Variants in ADAMTS16 observed in about 807,000 individuals in gnomAD.
The protein encoded by ADAMTS16 is ADAM metallopeptidase with thrombospondin type 1 motif 16.
Under a neutral mutation model 145.8 loss-of-function variants are expected in ADAMTS16, and 94 were observed. That is an observed-to-expected ratio of 0.64 (90% confidence interval 0.55 to 0.77). The LOEUF (loss-of-function observed/expected upper bound fraction) is 0.77. Ranked by LOEUF, ADAMTS16 falls within the 30% of genes least tolerant of loss-of-function variation. The pLI, the probability that ADAMTS16 is intolerant of heterozygous loss-of-function variation, is 0.00. For synonymous variants in ADAMTS16, 659 were observed against 604.3 expected, an observed-to-expected ratio of 1.09 and a Z score of -1.33; for missense variants, 1,585 against 1,591.5, an observed-to-expected ratio of 1.00 and a Z score of 0.07.
intron 9 of ADAMTS16, among the ~76,000 whole-genome samples, chr5:5,200,899 T>A (rs1283465135): frequency 6.6e-6 from 1 of 152,236 alleles, no homozygotes; most frequent in Non-Finnish European, 1.5e-5. Flanking sequence ...GTTTGATCCT[T>A]GAAAAATAGT....
intron 17 of ADAMTS16, among the ~76,000 whole-genome samples, chr5:5,253,712 G>A (rs1737696442): frequency 6.6e-6 from 1 of 151,992 alleles, no homozygotes; most frequent in South Asian, 2.1e-4. Context: ...CCACATCTTC[G>A]AAGATTCTCC....
chr5:5,243,237 G>C (rs1737349625), intron 17 of ADAMTS16, among the ~76,000 whole-genome samples: 1 of 152,206 alleles, frequency 6.6e-6, no homozygotes, highest in Non-Finnish European at 1.5e-5. Flanking sequence ...GGATGAAATA[G>C]TTAAATTATG....
chr5:5,158,437 G>A (rs1485459864), intron 3 of ADAMTS16, among the ~76,000 whole-genome samples: 1 of 152,108 alleles, frequency 6.6e-6, no homozygotes, highest in East Asian at 1.9e-4. Flanking sequence ...CAGAGGGAGT[G>A]CATTGACTGC....
At chr5:5,300,464 C>G (rs1334166311) in intron 18 of ADAMTS16, among the ~76,000 whole-genome samples, 1 of 152,196 alleles carries the variant, frequency 6.6e-6, no homozygotes, top group Non-Finnish European at 1.5e-5. Context: ...GCAACTCCTA[C>G]AACCCTGACA....
At chr5:5,318,442 G>A (rs958909891) in intron 22 of ADAMTS16, among the ~76,000 whole-genome samples, 161 bp downstream of exon 22, 2 of 152,202 alleles carry the variant, frequency 1.3e-5, no homozygotes, top group African/African-American at 4.8e-5. Flanking sequence ...CCATAGAGCA[G>A]ACCGGGCTGC....
chr5:5,303,309 G>T lies in ADAMTS16; in HGVS notation c.2831G>T (p.Gly944Val). 1.3e-6 allele frequency: 2 copies of T among 1,596,368 alleles called. No individual in the cohort carries two copies. The change falls in exon 19 of 23, where the codon GGC (glycine) becomes GTC (valine). Residue 944 changes from glycine to valine, a missense_variant. By Grantham distance (109) the Gly-to-Val change is moderately radical. Coordinates refer to ENST00000274181, the MANE Select transcript of ADAMTS16 (RefSeq NM_139056.4). ...TGGAGTGCCTGCAGTCGGACGTGTG[G>T]CGGGGGTGCCCAGAGCCGCCCCGTG... ...GNWSACSRTCGGGAQSRPVQC... is the reference protein window; with the variant it reads ...GNWSACSRTCVGGAQSRPVQC...
intron 18 of ADAMTS16, among the ~76,000 whole-genome samples, chr5:5,296,386 C>T (rs1349678912): frequency 3.3e-5 from 5 of 152,226 alleles, no homozygotes; most frequent in South Asian, 2.1e-4. Context: ...CCGGACTCCC[C>T]GCCCTCCCCA....
chr5:5,275,100 C>T (rs1021483301), intron 18 of ADAMTS16, among the ~76,000 whole-genome samples: 8 of 152,180 alleles, frequency 5.3e-5, no homozygotes, highest in African/African-American at 1.9e-4. Context: ...GAAATATTTG[C>T]TGAAAAGTGC....
Position 5,310,870 on chromosome 5 carries a change from TGTCTGTTCCTGACCCCAGAGAGG to T in ADAMTS16, c.3411+4146_3411+4168del. ...TGTTATTTGTGTCCTTGTCTCATTT[TGTCTGTTCCTGACCCCAGAGAGG>T]GTCAGCTGCCTGAAGGCAAGTGCCT... On this transcript the variant is annotated intron_variant, in intron 21 of 22. Transcript: ENST00000274181. The surrounding 1 kb of genome is among the most constrained non-coding windows in gnomAD (Gnocchi z 4.3). 6.6e-6 allele frequency among the ~76,000 whole-genome samples: 1 copy of T among 152,358 alleles called. No homozygotes were observed. Among genetic ancestry groups the T allele is most frequent in the Middle Eastern group, 3.4e-3 (1 of 294 alleles).
At chr5:5,229,327 A>T (rs1705084893) in intron 11 of ADAMTS16, among the ~76,000 whole-genome samples, 1 of 148,682 alleles carries the variant, frequency 6.7e-6, no homozygotes, top group African/African-American at 2.5e-5. Flanking sequence ...AAAAAAAAGA[A>T]GTTCTAAGTT....
intron 12 of ADAMTS16, 81 bp from the exon 13 acceptor site, chr5:5,234,933 C>A: frequency 1.6e-6 from 2 of 1,225,848 alleles, no homozygotes; most frequent in African/African-American, 1.6e-5. Flanking sequence ...CTCTTAGCTT[C>A]ATCTCTCCAA....
At chr5:5,150,921 A>T (rs1455770952) in intron 3 of ADAMTS16, among the ~76,000 whole-genome samples, 1 of 152,200 alleles carries the variant, frequency 6.6e-6, no homozygotes, top group Non-Finnish European at 1.5e-5. Flanking sequence ...ATATGTTAGT[A>T]TGTATATTTT....
chr5:5,218,654 C>A (rs966974446), intron 10 of ADAMTS16, among the ~76,000 whole-genome samples: 2 of 152,212 alleles, frequency 1.3e-5, no homozygotes, highest in Non-Finnish European at 2.9e-5. Context: ...AAAACTGGGT[C>A]ACCCCTGTGG....
chr5:5,247,462 GTCACCCAGGCCCATTTCA>G (rs1737481814), intron 17 of ADAMTS16, among the ~76,000 whole-genome samples: 1 of 152,092 alleles, frequency 6.6e-6, no homozygotes, highest in South Asian at 2.1e-4. Flanking sequence ...GCTGTGTGAT[GTCACCCAGGCCCATTTCA>G]TCAAGTGTGC....
At chr5:5,274,965 A>G (rs1406645103) in intron 18 of ADAMTS16, among the ~76,000 whole-genome samples, 1 of 152,222 alleles carries the variant, frequency 6.6e-6, no homozygotes, top group Non-Finnish European at 1.5e-5. Flanking sequence ...ACCGTGGCAC[A>G]TGCTTCAAAT....
Position 5,242,066 on chromosome 5 carries a change from G to A in ADAMTS16, c.2537G>A (p.Gly846Glu). The A allele has an allele frequency of 6.2e-7, 1 of 1,613,998 alleles. No homozygotes were observed. Among genetic ancestry groups the A allele is most frequent in the Non-Finnish European group, 8.5e-7 (1 of 1,179,980 alleles). The change falls in exon 17 of 23, where the codon GGA becomes GAA. Residue 846 changes from glycine to glutamate, a missense_variant. This residue lies in a region of ADAMTS16 where 834 missense variants were observed against 811.7 expected (regional missense o/e 1.03). Transcript: ENST00000274181. ...CTTATTTTGTAGCTGCTGTTTCAGG[G>A]AAGGAACCCGGGTGTTGCCTGGGAA... ...ETLIVELLFQGRNPGVAWEYS... is the reference protein window; with the variant it reads ...ETLIVELLFQERNPGVAWEYS...
At position 5,269,408 on chromosome 5, in the gene ADAMTS16, T is replaced by C. The variant is rs779567269; in HGVS notation, c.2789+6625T>C. 6.6e-5 allele frequency among the ~76,000 whole-genome samples: 10 copies of C among 152,084 alleles called. No individual in the cohort carries two copies. The highest frequency in any genetic ancestry group is 1.2e-4 in the Non-Finnish European group (8 of 68,014). On this transcript the variant is annotated intron_variant, in intron 18 of 22. Transcript: ENST00000274181. The surrounding 1 kb of genome is among the most constrained non-coding windows in gnomAD (Gnocchi z 4.3). ...TAAAAGTGTGGTCACCCAAGGATGGTACACAATCCTTACACCTGCCCCTGG... is the reference window on the plus strand; with the variant it reads ...TAAAAGTGTGGTCACCCAAGGATGGCACACAATCCTTACACCTGCCCCTGG...
rs575742803 is a variant in ADAMTS16, at chr5:5,292,722, T to G, written c.2790-10546T>G. Reference sequence around the variant, plus strand: ...GCCCTGTCCTAACAGCCCTCATTCCTGCCACACTGAAGGCCTCCTTGCCCT... The same window carrying G: ...GCCCTGTCCTAACAGCCCTCATTCCGGCCACACTGAAGGCCTCCTTGCCCT... On this transcript the variant is annotated intron_variant, in intron 18 of 22. Coordinates refer to ENST00000274181, the MANE Select transcript of ADAMTS16 (RefSeq NM_139056.4). Among the ~76,000 whole-genome samples the G allele has an allele frequency of 2.2e-3, 335 of 152,170 alleles. 4 individuals carry two copies. The highest frequency in any genetic ancestry group is 7.9e-3 in the African/African-American group (327 of 41,530).
intron 5 of ADAMTS16, among the ~76,000 whole-genome samples, chr5:5,186,492 G>A (rs1735502936): frequency 1.2e-5 from 1 of 82,144 alleles, no homozygotes; most frequent in Non-Finnish European, 2.8e-5. Context: ...TTCTCTATAA[G>A]CCTCTGTAAG....
Sources: allele counts gnomAD v4.1 joint callset (sites outside exome capture counted in the v4.1 genomes callset), GRCh38; gene constraint gnomAD v4.1.1; regional missense constraint gnomAD v4.1.1; non-coding constraint Gnocchi (gnomAD v3.1); transcripts MANE v1.5; gene names NCBI Gene and HGNC (gene_info 2026-07-23, HGNC 2026-07-21).